GFRA1: variants seen among roughly 807,000 people sequenced by gnomAD.
The protein encoded by GFRA1 is GDNF family receptor alpha 1, also known as GDNF family receptor alpha-1.
Under a neutral mutation model 51.6 loss-of-function variants are expected in GFRA1, and 16 were observed. The ratio of observed to expected loss-of-function variants is 0.31; its 90% CI spans 0.21 to 0.47. The LOEUF is 0.47. GFRA1 is among the 20% of genes least tolerant of loss of function. GFRA1 has a pLI of 1.00. For missense variants in GFRA1, 530 were observed against 594.3 expected (o/e 0.89, Z 1.13); for synonymous variants, 270 against 241.3 (o/e 1.12, Z -1.10).
chr10:116,164,322 T>TA (rs11409663), intron 5 of GFRA1, among the ~76,000 whole-genome samples: 78,719 of 146,280 alleles, frequency 0.54, 21,045 homozygotes, highest in Middle Eastern at 0.63. Context: ...TGCATTTTCC[T>TA]AAAAAAAAAA....
At chr10:116,221,020 C>T (rs1327952863) in intron 4 of GFRA1, among the ~76,000 whole-genome samples, 2 of 152,018 alleles carry the variant, frequency 1.3e-5, no homozygotes, top group Non-Finnish European at 2.9e-5. Flanking sequence ...CACTGTAGTC[C>T]CAAAGCCCAG....
At chr10:116,258,427 T>G (rs1969056786) in intron 4 of GFRA1, among the ~76,000 whole-genome samples, 1 of 147,240 alleles carries the variant, frequency 6.8e-6, no homozygotes, top group Non-Finnish European at 1.5e-5. Flanking sequence ...AAAATAAATA[T>G]AAAATTAATA....
chr10:116,226,799 C>T (rs577679654), intron 4 of GFRA1: 47 of 409,206 alleles, frequency 1.1e-4, no homozygotes, highest in African/African-American at 9.6e-4. Context: ...GAGGGTCCTA[C>T]CTGGGAGGGA....
chr10:116,192,078 A>G (rs1382275855), intron 5 of GFRA1, among the ~76,000 whole-genome samples: 2 of 152,196 alleles, frequency 1.3e-5, no homozygotes, highest in Non-Finnish European at 2.9e-5. Context: ...AACACTACAT[A>G]GTCCAAATGA....
chr10:116,254,667 A>T (rs1968683633), intron 4 of GFRA1, among the ~76,000 whole-genome samples: 1 of 152,214 alleles, frequency 6.6e-6, no homozygotes, highest in South Asian at 2.1e-4. Context: ...AGTCAGAGGC[A>T]TCCCAAAAAA....
rs894915339 is a variant in GFRA1 at position 116,061,183 on chromosome 10, C to T, written c.*3215G>A. On this transcript the variant is annotated 3_prime_UTR_variant, in exon 11 of 11. Transcript: ENST00000355422. ...GAGGCAGCTCTGGGGGAGCCCTGTC[C>T]GGTGTTTGAGGAACTCGAAGACACA... 1.3e-5 allele frequency: 2 copies of T among 150,544 alleles called. No homozygotes were observed. Among genetic ancestry groups the T allele is most frequent in the South Asian group, 2.1e-4 (1 of 4,748 alleles). 9.3% of individuals were successfully genotyped at this position (150,544 alleles called of 1,614,324 possible).
intron 6 of GFRA1, among the ~76,000 whole-genome samples, chr10:116,120,576 C>A (rs1191957177): frequency 1.3e-5 from 2 of 152,124 alleles, no homozygotes; most frequent in African/African-American, 4.8e-5. Flanking sequence ...CAGAATGAGA[C>A]TCTGTCTCTA....
intron 5 of GFRA1, among the ~76,000 whole-genome samples, chr10:116,130,900 TA>T (rs1958078393): frequency 1.3e-5 from 2 of 151,836 alleles, no homozygotes; most frequent in South Asian, 4.2e-4. Flanking sequence ...GCAATAACCA[TA>T]AAAGATAAAA....
chr10:116,256,203 G>A (rs1041327319), intron 4 of GFRA1, among the ~76,000 whole-genome samples: 3 of 152,170 alleles, frequency 2.0e-5, no homozygotes, highest in Non-Finnish European at 4.4e-5. Flanking sequence ...TGGTCTCACA[G>A]CTACTAAGTG....
intron 8 of GFRA1, among the ~76,000 whole-genome samples, chr10:116,091,372 A>G (rs1025758690): frequency 2.0e-5 from 3 of 152,338 alleles, no homozygotes; most frequent in Non-Finnish European, 4.4e-5. Context: ...AGTGAAATAT[A>G]TAATACACTA....
chr10:116,168,239 T>C (rs933704625), intron 5 of GFRA1, among the ~76,000 whole-genome samples: 2 of 152,160 alleles, frequency 1.3e-5, no homozygotes, highest in South Asian at 4.2e-4. Flanking sequence ...CTGCTCTAGG[T>C]TCTTGGAATA....
chr10:116,118,781 G>A (rs1484175083), intron 6 of GFRA1, among the ~76,000 whole-genome samples: 1 of 152,172 alleles, frequency 6.6e-6, no homozygotes, highest in East Asian at 1.9e-4. Context: ...CTCTCTCTGA[G>A]CCAAGAGTGG....
At chr10:116,110,207 A>G (rs985089902) in intron 6 of GFRA1, among the ~76,000 whole-genome samples, 1 of 152,142 alleles carries the variant, frequency 6.6e-6, no homozygotes, top group African/African-American at 2.4e-5. Context: ...TAAGTTCTGG[A>G]TGCATCTGAG....
intron 5 of GFRA1, among the ~76,000 whole-genome samples, chr10:116,184,194 C>T (rs898355550): frequency 6.6e-6 from 1 of 152,256 alleles, no homozygotes; most frequent in Admixed American, 6.5e-5. Flanking sequence ...CTCAGACAGG[C>T]AGCTTTCCTG....
chr10:116,128,948 G>A (rs75342198), intron 5 of GFRA1, among the ~76,000 whole-genome samples: 1 of 152,018 alleles, frequency 6.6e-6, no homozygotes, highest in Non-Finnish European at 1.5e-5. Flanking sequence ...ATAGCAGTAG[G>A]TGTGACTTAG....
chr10:116,160,620 A>G (rs1246454561), intron 5 of GFRA1, among the ~76,000 whole-genome samples: 1 of 152,260 alleles, frequency 6.6e-6, no homozygotes, highest in African/African-American at 2.4e-5. Flanking sequence ...GTGTTATACA[A>G]CATGACAAAG....
chr10:116,121,478 A>C (rs1042453822), intron 6 of GFRA1, among the ~76,000 whole-genome samples: 5 of 152,252 alleles, frequency 3.3e-5, no homozygotes, highest in African/African-American at 1.2e-4. Flanking sequence ...AAACAAAGTC[A>C]AACGGAAAAG....
intron 6 of GFRA1, among the ~76,000 whole-genome samples, chr10:116,097,351 G>A (rs972649760): frequency 6.6e-6 from 1 of 152,194 alleles, no homozygotes; most frequent in Non-Finnish European, 1.5e-5. Context: ...GAACAGAAGG[G>A]GAAGCCAAGA....
intron 8 of GFRA1, among the ~76,000 whole-genome samples, chr10:116,091,733 C>T (rs2133883383): frequency 6.6e-6 from 1 of 152,310 alleles, no homozygotes; most frequent in South Asian, 2.1e-4. Context: ...CTACAAATTG[C>T]AATTCCTTCT....
Sources: allele counts gnomAD v4.1 joint callset (sites outside exome capture counted in the v4.1 genomes callset), GRCh38; gene constraint gnomAD v4.1.1; transcripts MANE v1.5; gene names NCBI Gene and HGNC (gene_info 2026-07-23, HGNC 2026-07-21).